ENAM: variants seen among roughly 807,000 people sequenced by gnomAD.
ENAM encodes the protein amelogenesis imperfecta 2, hypocalcification (autosomal dominant).
A neutral mutation model predicts 33.6 loss-of-function variants in ENAM; 21 were observed. The ratio of observed to expected loss-of-function variants is 0.63; its 90% CI spans 0.44 to 0.90. The LOEUF (loss-of-function observed/expected upper bound fraction) is 0.90, where lower values mean the gene tolerates loss of function less well. Among genes scored for constraint, ENAM ranks in the 40% least tolerant of loss-of-function variants. The pLI, the probability that ENAM is intolerant of heterozygous loss-of-function variation, is 0.00. For missense variants in ENAM, 1,388 were observed against 1,366.9 expected (o/e 1.02, Z -0.24); for synonymous variants, 473 against 468.4 (o/e 1.01, Z -0.13).
chr4:70,642,498 G>T lies in ENAM; in HGVS notation c.1072G>T (p.Gly358Cys), dbSNP rs147295492. 3.0e-4 allele frequency: 482 copies of T among 1,614,016 alleles called. 1 individual carries two copies. Among genetic ancestry groups the T allele is most frequent in the Admixed American group, 8.3e-4 (50 of 60,008 alleles). Residue 358 changes from glycine (G) to cysteine (C), a missense_variant, in exon 9 of 9, where the codon GGT becomes TGT. Transcript: ENST00000396073. ...TTACAGAAATCAACAAGTTCAAAGG[G>T]GTCCTCGGTGGAACTTCTTTGCTTG... ...PFYRNQQVQR[G>C]PRWNFFAWER...
chr4:70,645,234 C>CGGCGA lies in ENAM; in HGVS notation c.*379_*380insGGCGA. ...AAAGGCAGATTAACTTTCCATTCTACTTATGGAGATCCACACATCAGTATA... is the reference window on the plus strand; with the variant it reads ...AAAGGCAGATTAACTTTCCATTCTACGGCGATTATGGAGATCCACACATCAGTATA... On this transcript the variant is annotated 3_prime_UTR_variant, in exon 9 of 9. Transcript: ENST00000396073. 3.6e-6 allele frequency: 1 copy of CGGCGA among 280,498 alleles called. No homozygotes were observed. The highest frequency in any genetic ancestry group is 1.1e-4 in the South Asian group (1 of 9,316). The allele number at this position is 280,498 out of a possible 1,614,324, so 17.4% of individuals were successfully genotyped here. A position where few individuals can be genotyped will look rare whatever the true frequency, so the allele number is the denominator to read the frequency against.
chr4:70,644,265 G>A lies in ENAM; in HGVS notation c.2839G>A (p.Asp947Asn). 1 of 1,614,190 alleles carries A rather than the reference G, an allele frequency of 6.2e-7. No homozygotes were observed. Among genetic ancestry groups the A allele is most frequent in the Non-Finnish European group, 8.5e-7 (1 of 1,180,008 alleles). The change falls in exon 9 of 9, where the codon GAT (aspartate) becomes AAT (asparagine). Residue 947 changes from aspartate to asparagine, a missense_variant. Asp to Asn is a conservative substitution (Grantham distance 23). Coordinates refer to ENST00000396073, the MANE Select transcript of ENAM (RefSeq NM_031889.3). The part of the protein sequence containing the change: ...EKRESQNPFR[D>N]DVSTLRRNTP... ...GAGGGAAAGCCAAAACCCTTTTAGA[G>A]ATGATGTGTCCACGCTGAGGAGGAA...
Position 70,646,213 on chromosome 4 carries a change from A to G in ENAM, c.*1358A>G, listed in dbSNP as rs1434206434. 1 of 152,144 alleles carries G rather than the reference A, an allele frequency of 6.6e-6. No homozygotes were observed. Among genetic ancestry groups the G allele is most frequent in the Non-Finnish European group, 1.5e-5 (1 of 68,018 alleles). 9.4% of individuals were successfully genotyped at this position (152,144 alleles called of 1,614,324 possible). On this transcript the variant is annotated 3_prime_UTR_variant, in exon 9 of 9. Transcript: ENST00000396073. ...TATTTTGAAAAGTGGATATTTCTAT[A>G]TGCCTTGCTTATAATACATCAGGGA...
rs756300242 is a variant in ENAM at position 70,643,668 on chromosome 4, G to A, written c.2242G>A (p.Val748Ile). 2.8e-5 allele frequency: 45 copies of A among 1,613,952 alleles called. No homozygotes were observed. Among genetic ancestry groups the A allele is most frequent in the Admixed American group, 2.0e-4 (12 of 59,980 alleles). ...PPPIESRGYYVNNAAGPEEST... is the reference protein window; with the variant it reads ...PPPIESRGYYINNAAGPEEST... ...ACCTATAGAGAGCAGGGGCTACTACGTTAATAATGCCGCTGGACCAGAAGA... is the reference window on the plus strand; with the variant it reads ...ACCTATAGAGAGCAGGGGCTACTACATTAATAATGCCGCTGGACCAGAAGA... The change falls in exon 9 of 9, where the codon GTT (valine) becomes ATT (isoleucine). Residue 748 changes from valine to isoleucine, a missense_variant. Physicochemically the swap from Val to Ile is conservative, Grantham distance 29 (BLOSUM62 3). Transcript: ENST00000396073.
chr4:70,638,887 G>T (rs1486886356), intron 8 of ENAM, among the ~76,000 whole-genome samples: 1 of 151,386 alleles, frequency 6.6e-6, no homozygotes, highest in African/African-American at 2.4e-5. Flanking sequence ...CCACCTTCTG[G>T]ATTCAAGCAA....
chr4:70,638,288 C>G (rs1029662903), intron 8 of ENAM, among the ~76,000 whole-genome samples: 1 of 151,876 alleles, frequency 6.6e-6, no homozygotes, highest in Non-Finnish European at 1.5e-5. Context: ...GTGATATACT[C>G]TTAATATTCC....
Position 70,629,548 on chromosome 4 carries a change from T to C in ENAM, c.48T>C (p.Asp16=), listed in dbSNP as rs200390024. The change falls in exon 2 of 9, where the codon GAT becomes GAC. Residue 16 remains aspartate, a synonymous_variant. Transcript: ENST00000396073. Reference sequence around the variant, plus strand: ...TTGGAACCTCTTTTCCTAAACTAGATAACTTGGTGAGTACTTTCATTTATT... The same window carrying C: ...TTGGAACCTCTTTTCCTAAACTAGACAACTTGGTGAGTACTTTCATTTATT... ...CRLGTSFPKL[D]NLVPKGKMKI... 43 of 1,611,800 alleles carry C rather than the reference T, an allele frequency of 2.7e-5. No homozygotes were observed. The highest frequency in any genetic ancestry group is 3.5e-5 in the Non-Finnish European group (41 of 1,177,996).
intron 8 of ENAM, 75 bp downstream of exon 8, chr4:70,637,918 T>A (rs1738499454): frequency 9.1e-7 from 1 of 1,094,558 alleles, no homozygotes; most frequent in East Asian, 2.4e-5. Flanking sequence ...CCACATCTAA[T>A]AAGAAAGTTA....
rs964434755 is a variant in ENAM at position 70,642,000 on chromosome 4, T to C, written c.589-15T>C. On this transcript the variant is annotated splice_polypyrimidine_tract_variant and intron_variant, in intron 8 of 8. Coordinates refer to ENST00000396073, the MANE Select transcript of ENAM (RefSeq NM_031889.3). ...AACAAAGGGCAATTATTGATTTCCA[T>C]TTTCTTTCCTACAGAATCCTTACTT... The C allele has an allele frequency of 3.1e-6, 5 of 1,602,734 alleles. No homozygotes were observed. In the East Asian group the frequency reaches 8.9e-5, roughly 29 times the overall value.
chr4:70,644,087 A>T lies in ENAM; in HGVS notation c.2661A>T (p.Leu887=), dbSNP rs192020544. Residue 887 remains leucine, a synonymous_variant, in exon 9 of 9, where the codon CTA becomes CTT. Coordinates refer to ENST00000396073, the MANE Select transcript of ENAM (RefSeq NM_031889.3). ...CCACAGGGCCCAAGGACAATCCACT[A>T]GCTCTACAAGACTACACTCCATCCT... The part of the protein sequence containing the change: ...GSSTGPKDNP[L]ALQDYTPSYG... The T allele has an allele frequency of 6.2e-7, 1 of 1,614,062 alleles. No homozygotes were observed. The highest frequency in any genetic ancestry group is 1.3e-5 in the African/African-American group (1 of 75,010).
intron 7 of ENAM, among the ~76,000 whole-genome samples, chr4:70,636,144 A>AT (rs35533209): frequency 6.6e-6 from 1 of 152,184 alleles, no homozygotes; most frequent in African/African-American, 2.4e-5. Flanking sequence ...TAATAAATTA[A>AT]TTTTAAAAGG....
rs916207987 is a variant in ENAM, at chr4:70,628,865, T to C, written c.-160T>C. 4.6e-5 allele frequency: 7 copies of C among 152,164 alleles called. No individual in the cohort carries two copies. Among genetic ancestry groups the C allele is most frequent in the African/African-American group, 1.7e-4 (7 of 41,452 alleles). 9.4% of individuals were successfully genotyped at this position (152,164 alleles called of 1,614,324 possible). On this transcript the variant is annotated 5_prime_UTR_variant, in exon 1 of 9. Transcript: ENST00000396073. ...CTCCCTGGCTTCAGCAATTTGTAGT[T>C]ATTTCCACTATAGACCATTAAGAAT... is the stretch of plus-strand genomic sequence containing the variant.
intron 2 of ENAM, among the ~76,000 whole-genome samples, 181 bp downstream of exon 2, chr4:70,629,735 G>C (rs989228235): frequency 6.6e-6 from 1 of 152,112 alleles, no homozygotes; most frequent in Non-Finnish European, 1.5e-5. Flanking sequence ...CAATCATTAT[G>C]AGTGTTACTT....
rs779417851 is a variant in ENAM at position 70,643,782 on chromosome 4, A to G, written c.2356A>G (p.Ile786Val). Residue 786 changes from isoleucine to valine, a missense_variant, in exon 9 of 9, where the codon ATC (isoleucine) becomes GTC (valine). Ile to Val is a conservative substitution (Grantham distance 29). Transcript: ENST00000396073. ...RERRPYFNRN[I>V]WDQATHLQKA... is the part of the protein sequence containing the mutation. ...AAGAAGGCCGTATTTTAACAGAAAT[A>G]TCTGGGATCAGGCAACACATTTACA... 6.2e-7 allele frequency: 1 copy of G among 1,614,210 alleles called. No homozygotes were observed.
Position 70,646,247 on chromosome 4 carries a change from C to T in ENAM, c.*1392C>T, listed in dbSNP as rs1422163383. On this transcript the variant is annotated 3_prime_UTR_variant, in exon 9 of 9. Coordinates refer to ENST00000396073, the MANE Select transcript of ENAM (RefSeq NM_031889.3). ...TTATAATACATCAGGGATTATTATTCTTATTAATAACATGTTGGCCTATTA... is the reference window on the plus strand; with the variant it reads ...TTATAATACATCAGGGATTATTATTTTTATTAATAACATGTTGGCCTATTA... 1 of 152,040 alleles carries T rather than the reference C, an allele frequency of 6.6e-6. No homozygotes were observed. 9.4% of individuals were successfully genotyped at this position (152,040 alleles called of 1,614,324 possible).
chr4:70,633,386 G>A (rs2109820388), intron 5 of ENAM, among the ~76,000 whole-genome samples: 1 of 152,154 alleles, frequency 6.6e-6, no homozygotes, highest in African/African-American at 2.4e-5. Context: ...CTCAACTTTT[G>A]ATTGGCTCAA....
chr4:70,644,487 A>G lies in ENAM; in HGVS notation c.3061A>G (p.Ile1021Val), dbSNP rs1452196454. 3.1e-6 allele frequency: 5 copies of G among 1,614,086 alleles called. No individual in the cohort carries two copies. Among genetic ancestry groups the G allele is most frequent in the Non-Finnish European group, 4.2e-6 (5 of 1,180,034 alleles). Residue 1021 changes from isoleucine (I) to valine (V), a missense_variant, in exon 9 of 9, where the codon ATT becomes GTT. Physicochemically the swap from Ile to Val is conservative, Grantham distance 29 (BLOSUM62 3). Transcript: ENST00000396073. Reference protein sequence around the residue: ...TVDLTPEQLVIGTPDEGSNPE... With the variant: ...TVDLTPEQLVVGTPDEGSNPE... Reference sequence around the variant, plus strand: ...TGACCTTACTCCTGAGCAGCTTGTTATTGGTACACCTGATGAAGGCTCCAA... The same window carrying G: ...TGACCTTACTCCTGAGCAGCTTGTTGTTGGTACACCTGATGAAGGCTCCAA...
In ENAM at chr4:70,644,194, T is replaced by A; in HGVS notation, c.2768T>A (p.Ile923Asn). ...GSHTKQTRDI[I>N]SPTSILPGQR... ...CATACCAAGCAGACAAGAGATATCATCTCCCCAACAAGCATCCTACCAGGC... is the reference window on the plus strand; with the variant it reads ...CATACCAAGCAGACAAGAGATATCAACTCCCCAACAAGCATCCTACCAGGC... Residue 923 changes from isoleucine (I) to asparagine (N), a missense_variant, in exon 9 of 9, where the codon ATC becomes AAC. Transcript: ENST00000396073. The A allele has an allele frequency of 6.2e-7, 1 of 1,613,874 alleles. No homozygotes were observed. The highest frequency in any genetic ancestry group is 8.5e-7 in the Non-Finnish European group (1 of 1,179,966).
In ENAM at chr4:70,642,441, A is replaced by G; in HGVS notation, c.1015A>G (p.Thr339Ala). Residue 339 changes from threonine (T) to alanine (A), a missense_variant, in exon 9 of 9, where the codon ACT becomes GCT. Physicochemically the swap from Thr to Ala is moderately conservative, Grantham distance 58. Transcript: ENST00000396073. ...PSGRQWYFTGTVMGHRQNRPF... is the reference protein window; with the variant it reads ...PSGRQWYFTGAVMGHRQNRPF... ...AGGAAGACAGTGGTATTTCACTGGTACTGTCATGGGGCACAGACAGAATAG... is the reference window on the plus strand; with the variant it reads ...AGGAAGACAGTGGTATTTCACTGGTGCTGTCATGGGGCACAGACAGAATAG... The G allele has an allele frequency of 6.2e-7, 1 of 1,614,118 alleles. No homozygotes were observed. Among genetic ancestry groups the G allele is most frequent in the Non-Finnish European group, 8.5e-7 (1 of 1,179,970 alleles).
Sources: gnomAD v4.1 joint callset for allele counts (sites outside exome capture counted in the v4.1 genomes callset) on GRCh38, gnomAD v4.1.1 for gene constraint, MANE v1.5 for transcripts, NCBI Gene and HGNC (gene_info 2026-07-23, HGNC 2026-07-21) for gene names.